KLF12: variants seen among roughly 807,000 people sequenced by gnomAD.
KLF12 encodes the protein KLF transcription factor 12.
KLF12 carries 9 observed loss-of-function variants against 37.8 expected under a neutral mutation model. The ratio of observed to expected loss-of-function variants is 0.24; its 90% CI spans 0.14 to 0.42. KLF12 has a LOEUF of 0.42. KLF12 is among the 10% of genes least tolerant of loss of function. KLF12 has a pLI of 1.00. For synonymous variants in KLF12, 208 were observed against 202.1 expected (o/e 1.03, Z -0.25); for missense variants, 411 against 516.0 (o/e 0.80, Z 1.97).
At chr13:73,996,145 T>C (rs1892112692) in intron 1 of KLF12, among the ~76,000 whole-genome samples, 1 of 152,232 alleles carries the variant, frequency 6.6e-6, no homozygotes, top group Non-Finnish European at 1.5e-5. Flanking sequence ...ATTCCAGTTT[T>C]AAATATATAT....
chr13:74,204,752 G>T, the KLF12 span, among the ~76,000 whole-genome samples: 2 of 152,124 alleles, frequency 1.3e-5, no homozygotes, highest in Non-Finnish European at 2.9e-5. Flanking sequence ...CTCAGTTTCT[G>T]CATGGCATCT....
intron 4 of KLF12, among the ~76,000 whole-genome samples, chr13:73,832,158 G>A (rs1399160397): frequency 6.6e-6 from 1 of 152,144 alleles, no homozygotes; most frequent in Non-Finnish European, 1.5e-5. Context: ...TGTGGGAGGT[G>A]ACCTCATGGG....
At chr13:73,750,313 G>C (rs767546041) in intron 6 of KLF12, among the ~76,000 whole-genome samples, 3 of 152,126 alleles carry the variant, frequency 2.0e-5, no homozygotes, top group Non-Finnish European at 2.9e-5. Flanking sequence ...GTGCAAATTT[G>C]GACAAAATCA....
At chr13:74,263,767 T>C in the KLF12 span, among the ~76,000 whole-genome samples, 84 of 152,302 alleles carry the variant, frequency 5.5e-4, no homozygotes, top group African/African-American at 1.9e-3. Context: ...TCTCTCTGTC[T>C]ATCCCACCAC....
intron 1 of KLF12, among the ~76,000 whole-genome samples, chr13:74,017,504 T>TA (rs1555333557): frequency 6.6e-6 from 1 of 151,252 alleles, no homozygotes; most frequent in Non-Finnish European, 1.5e-5. Context: ...AACACTGCCA[T>TA]AAAAAGCTAT....
the KLF12 span, among the ~76,000 whole-genome samples, chr13:74,301,296 TC>T: frequency 6.6e-6 from 1 of 152,160 alleles, no homozygotes; most frequent in Non-Finnish European, 1.5e-5. Flanking sequence ...ATCCTAGTTC[TC>T]CTAATCACCA....
At chr13:74,138,706 C>T (rs1020429243), upstream of KLF12, among the ~76,000 whole-genome samples, 1 of 152,200 alleles carries the variant, frequency 6.6e-6, no homozygotes, top group African/African-American at 2.4e-5. Context: ...TTTCCAGACT[C>T]ACCTCCACTA....
At chr13:73,726,422 A>G (rs1200441925) in intron 6 of KLF12, among the ~76,000 whole-genome samples, 3 of 152,168 alleles carry the variant, frequency 2.0e-5, no homozygotes, top group African/African-American at 7.2e-5. Context: ...AGAAAACCCC[A>G]TACTCATTAG....
chr13:74,117,521 G>A (rs1381208926), intron 1 of KLF12, among the ~76,000 whole-genome samples: 1 of 152,148 alleles, frequency 6.6e-6, no homozygotes, highest in African/African-American at 2.4e-5. Flanking sequence ...TTCTAAACAT[G>A]ATATGTAGTT....
At chr13:74,073,540 A>G (rs1593877420) in intron 1 of KLF12, among the ~76,000 whole-genome samples, 1 of 152,208 alleles carries the variant, frequency 6.6e-6, no homozygotes, top group East Asian at 1.9e-4. Context: ...TGCTGACTTA[A>G]TGACACTGAA....
At chr13:73,993,945 T>A (rs559318795) in intron 2 of KLF12, among the ~76,000 whole-genome samples, 1 of 152,296 alleles carries the variant, frequency 6.6e-6, no homozygotes, top group South Asian at 2.1e-4. Context: ...TAATCCTCAC[T>A]AAGTGAATGC....
At chr13:73,995,699 C>G (rs1313953238) in intron 1 of KLF12, among the ~76,000 whole-genome samples, 1 of 152,110 alleles carries the variant, frequency 6.6e-6, no homozygotes, top group Non-Finnish European at 1.5e-5. Context: ...GGTCCAAAAT[C>G]TCCAGGACCA....
At chr13:74,232,361 G>A in the KLF12 span, among the ~76,000 whole-genome samples, 1 of 152,088 alleles carries the variant, frequency 6.6e-6, no homozygotes, top group Non-Finnish European at 1.5e-5. Context: ...ATGATCCTTT[G>A]CGGCTGACTC....
intron 3 of KLF12, among the ~76,000 whole-genome samples, chr13:73,940,222 C>T (rs1025597571): frequency 5.3e-5 from 8 of 152,176 alleles, no homozygotes; most frequent in Non-Finnish European, 7.3e-5. Context: ...AACAGCAGGA[C>T]GCACGCACCA....
intron 3 of KLF12, among the ~76,000 whole-genome samples, chr13:73,852,199 C>T (rs1008801232): frequency 5.3e-5 from 8 of 152,096 alleles, no homozygotes; most frequent in Admixed American, 1.3e-4. Flanking sequence ...GCTTTCAGCT[C>T]AGTGATTCTT....
At chr13:74,019,613 A>T (rs980684701) in intron 1 of KLF12, among the ~76,000 whole-genome samples, 6 of 152,238 alleles carry the variant, frequency 3.9e-5, no homozygotes, top group African/African-American at 1.2e-4. Context: ...ATAATGTTAC[A>T]TCTCTTGTAA....
chr13:73,902,698 T>C (rs1348199084), intron 3 of KLF12, among the ~76,000 whole-genome samples: 1 of 152,270 alleles, frequency 6.6e-6, no homozygotes, highest in Admixed American at 6.5e-5. Flanking sequence ...ATCTTTAATG[T>C]TCCCTCTATT....
rs1157196918 is a variant in KLF12, at chr13:73,695,643, T to C, written c.1056A>G (p.Glu352=). The change falls in exon 8 of 8, where the codon GAA becomes GAG. Residue 352 remains glutamate, a synonymous_variant. Transcript: ENST00000377669. ...AACGAGCGAACTTCCAGGTGCAGCC[T>C]TCCCAGGTACACTTGTAAGGTTTCT... 1.9e-6 allele frequency: 3 copies of C among 1,613,962 alleles called. No individual in the cohort carries two copies. The highest frequency in any genetic ancestry group is 1.3e-5 in the African/African-American group (1 of 74,926).
intron 5 of KLF12, among the ~76,000 whole-genome samples, chr13:73,787,148 C>A (rs545772886): frequency 6.6e-6 from 1 of 152,206 alleles, no homozygotes; most frequent in African/African-American, 2.4e-5. Context: ...ACTTTTCATT[C>A]TTGAAGAACC....
Sources: allele counts gnomAD v4.1 joint callset (sites outside exome capture counted in the v4.1 genomes callset), GRCh38; gene constraint gnomAD v4.1.1; transcripts MANE v1.5; gene names NCBI Gene and HGNC (gene_info 2026-07-23, HGNC 2026-07-21).